The following ARFIP1 variants were observed in gnomAD, a reference collection of about 807,000 sequenced individuals.
The protein encoded by ARFIP1 is ARF interacting protein 1.
In ARFIP1, 24 loss-of-function variants were observed where a neutral mutation model predicts 42.5. The ratio of observed to expected loss-of-function variants is 0.57; its 90% CI spans 0.41 to 0.80. The LOEUF (loss-of-function observed/expected upper bound fraction) is 0.80. Ranked by LOEUF, ARFIP1 falls within the 30% of genes least tolerant of loss-of-function variation. ARFIP1 has a pLI of 0.00. For synonymous variants in ARFIP1, 141 were observed against 153.7 expected (o/e 0.92, Z 0.61); for missense variants, 354 against 434.0 (o/e 0.82, Z 1.64).
intron 8 of ARFIP1, among the ~76,000 whole-genome samples, chr4:152,909,079 G>A (rs963836747): frequency 9.9e-5 from 15 of 152,200 alleles, no homozygotes; most frequent in African/African-American, 2.9e-4. Context: ...TTAACATTTT[G>A]CAGTTGTAAA....
chr4:152,904,782 T>G (rs555715396), intron 8 of ARFIP1, among the ~76,000 whole-genome samples: 18 of 152,334 alleles, frequency 1.2e-4, no homozygotes, highest in Non-Finnish European at 1.9e-4. Flanking sequence ...ATTTTCTTTA[T>G]CTGGTCTATC....
intron 8 of ARFIP1, among the ~76,000 whole-genome samples, chr4:152,901,157 C>G (rs1474984525): frequency 6.6e-6 from 1 of 152,158 alleles, no homozygotes; most frequent in African/African-American, 2.4e-5. Context: ...GTCATATAAT[C>G]TAAATTTTAT....
intron 1 of ARFIP1, among the ~76,000 whole-genome samples, chr4:152,810,803 G>A (rs1022615769): frequency 2.0e-5 from 3 of 152,038 alleles, no homozygotes; most frequent in Non-Finnish European, 2.9e-5. Flanking sequence ...GCTACAGAGC[G>A]AGACTCTGTC....
intron 1 of ARFIP1, chr4:152,796,220 T>C: frequency 1.2e-6 from 1 of 844,248 alleles, no homozygotes; most frequent in Non-Finnish European, 2.0e-6. Flanking sequence ...CAAAGTTGTA[T>C]ACAGCGGGAA....
chr4:152,790,558 C>A (rs1199907215), intron 1 of ARFIP1, among the ~76,000 whole-genome samples: 1 of 152,146 alleles, frequency 6.6e-6, no homozygotes, highest in Non-Finnish European at 1.5e-5. Context: ...AAAAAGACTT[C>A]TGCAGACAGT....
At chr4:152,784,861 T>C (rs747342086) in intron 1 of ARFIP1, among the ~76,000 whole-genome samples, 104 of 152,266 alleles carry the variant, frequency 6.8e-4, no homozygotes, top group Non-Finnish European at 1.3e-3. Context: ...TGTATATCTG[T>C]GATAGCATTG....
chr4:152,829,762 C>T lies in ARFIP1; in HGVS notation c.93+36C>T, dbSNP rs140758872. On this transcript the variant is annotated intron_variant, in intron 2 of 8. Coordinates refer to ENST00000353617, the MANE Select transcript of ARFIP1 (RefSeq NM_001025595.3). ...TTTTCTTTCTCTTAATGCAAAGAAT[C>T]ATGGTAAGTCTTTAAATGTTGAGAT... 5.8e-5 allele frequency: 86 copies of T among 1,470,704 alleles called. No homozygotes were observed. The Admixed American group carries it at 1.4e-3, about 23-fold the overall frequency. 91.1% of individuals were successfully genotyped at this position (1,470,704 alleles called of 1,614,324 possible).
intron 1 of ARFIP1, among the ~76,000 whole-genome samples, chr4:152,828,616 G>A (rs1265400209): frequency 6.6e-6 from 1 of 152,102 alleles, no homozygotes; most frequent in African/African-American, 2.4e-5. Context: ...GTATATTTTA[G>A]ATAACAGTCC....
chr4:152,872,376 A>G (rs28473137), intron 4 of ARFIP1, 76 bp from the exon 5 acceptor site: 148,997 of 940,224 alleles, frequency 0.16, 12,601 homozygotes, highest in African/African-American at 0.23. Flanking sequence ...TTTCAATTTG[A>G]ACAATATCAG....
chr4:152,830,483 G>A (rs755839421), intron 2 of ARFIP1, among the ~76,000 whole-genome samples: 1 of 152,174 alleles, frequency 6.6e-6, no homozygotes, highest in Non-Finnish European at 1.5e-5. Flanking sequence ...TTTGATGCAA[G>A]TGTACAACTT....
At chr4:152,802,261 A>G (rs1372776077) in intron 1 of ARFIP1, among the ~76,000 whole-genome samples, 1 of 152,206 alleles carries the variant, frequency 6.6e-6, no homozygotes, top group Non-Finnish European at 1.5e-5. Flanking sequence ...TCCACTAAGC[A>G]CTGCAGCCTT....
chr4:152,809,649 TCCCC>T, intron 1 of ARFIP1: 1 of 152,220 alleles, frequency 6.6e-6, no homozygotes, highest in South Asian at 2.1e-4. Context: ...TGTTAATTTA[TCCCC>T]AACTTTGACC....
intron 1 of ARFIP1, among the ~76,000 whole-genome samples, chr4:152,826,119 C>T (rs1730815180): frequency 6.6e-6 from 1 of 152,144 alleles, no homozygotes; most frequent in African/African-American, 2.4e-5. Flanking sequence ...AGCATTCCCA[C>T]TACTGGGTAT....
At chr4:152,806,646 A>G (rs1197232662) in intron 1 of ARFIP1, among the ~76,000 whole-genome samples, 1 of 152,112 alleles carries the variant, frequency 6.6e-6, no homozygotes, top group African/African-American at 2.4e-5. Context: ...TTCCATCACC[A>G]TACAGTTAGT....
intron 1 of ARFIP1, among the ~76,000 whole-genome samples, chr4:152,829,102 T>C (rs1470647597): frequency 6.6e-6 from 1 of 152,212 alleles, no homozygotes; most frequent in Non-Finnish European, 1.5e-5. Flanking sequence ...CAATACCACA[T>C]TGTCTTGATT....
chr4:152,812,301 C>G (rs898409663), intron 1 of ARFIP1, among the ~76,000 whole-genome samples: 1 of 152,156 alleles, frequency 6.6e-6, no homozygotes, highest in African/African-American at 2.4e-5. Context: ...GTTAAGCAAT[C>G]CTTCCACCTC....
intron 5 of ARFIP1, among the ~76,000 whole-genome samples, chr4:152,878,892 GTC>G (rs1276926330): frequency 2.6e-4 from 39 of 152,260 alleles, no homozygotes; most frequent in African/African-American, 7.7e-4. Context: ...TAGAGTAAAT[GTC>G]TCTGATAATA....
chr4:152,865,640 T>C (rs1734261805), intron 3 of ARFIP1, among the ~76,000 whole-genome samples: 1 of 152,062 alleles, frequency 6.6e-6, no homozygotes. Flanking sequence ...TTTAGAAAAA[T>C]AAAGGGAGCA....
intron 1 of ARFIP1, among the ~76,000 whole-genome samples, chr4:152,784,260 T>C (rs1490016847): frequency 6.6e-6 from 1 of 152,258 alleles, no homozygotes; most frequent in East Asian, 1.9e-4. Context: ...GAAAATAATT[T>C]TGTTTTCCTT....
Sources: allele counts gnomAD v4.1 joint callset (sites outside exome capture counted in the v4.1 genomes callset), GRCh38; gene constraint gnomAD v4.1.1; transcripts MANE v1.5; gene names NCBI Gene and HGNC (gene_info 2026-07-23, HGNC 2026-07-21).